Variants in ZNF841 observed in about 807,000 individuals in gnomAD.
The protein encoded by ZNF841 is zinc finger protein 841.
ZNF841 carries 11 observed loss-of-function variants against 13.0 expected under a neutral mutation model. That is an observed-to-expected ratio of 0.85 (90% CI 0.53 to 1.40). The LOEUF (loss-of-function observed/expected upper bound fraction) is 1.40. Ranked by LOEUF, ZNF841 falls within the 40% of genes most tolerant of loss-of-function variation. The probability of loss-of-function intolerance (pLI) is 0.00; values close to 1 mark genes in which losing one functional copy is unlikely to be tolerated. For synonymous variants in ZNF841, 369 were observed against 381.6 expected, an observed-to-expected ratio of 0.97 and a Z score of 0.38; for missense variants, 1,068 against 1,139.5, an observed-to-expected ratio of 0.94 and a Z score of 0.90.
chr19:52,065,237 C>G lies in ZNF841; in HGVS notation c.2645G>C (p.Cys882Ser), dbSNP rs761991606. Reference protein sequence around the residue: ...SSEKPYKCNECGKSYISRSGL... With the variant: ...SSEKPYKCNESGKSYISRSGL... ...TGAGCGACTAATGTAAGATTTGCCA[C>G]ACTCATTACATTTATAAGGTTTTTC... The change falls in exon 7 of 7, where the codon TGT becomes TCT. Residue 882 changes from cysteine to serine, a missense_variant. Transcript: ENST00000594440. The G allele has an allele frequency of 7.4e-6, 12 of 1,613,730 alleles. No individual in the cohort carries two copies. In the Admixed American group the frequency reaches 8.3e-5, roughly 11 times the overall value.
At position 52,076,161 on chromosome 19, in the gene ZNF841, G is replaced by A. The variant is rs1281891677; in HGVS notation, c.154C>T (p.Pro52Ser). 2 of 1,554,336 alleles carry A rather than the reference G, an allele frequency of 1.3e-6. No homozygotes were observed. The highest frequency in any genetic ancestry group is 2.4e-5 in the South Asian group (2 of 84,254). ...AACATGGAGATAATATTCAGGTCAGGAAGACAGAGTCCTGCTTATAAAAAA... is the reference window on the plus strand; with the variant it reads ...AACATGGAGATAATATTCAGGTCAGAAAGACAGAGTCCTGCTTATAAAAAA... ...RNLGFLGLCL[P>S]DLNIISMLEQ... is the part of the protein sequence containing the mutation. The change falls in exon 6 of 7, where the codon CCT becomes TCT. Residue 52 changes from proline (P) to serine (S), a missense_variant. Coordinates refer to ENST00000594440, the MANE Select transcript of ZNF841 (RefSeq NM_001136499.2).
intron 5 of ZNF841, 80 bp downstream of exon 5, chr19:52,076,875 TAGG>T: frequency 6.6e-7 from 1 of 1,523,242 alleles, no homozygotes; most frequent in Non-Finnish European, 9.0e-7. Flanking sequence ...TCAAATAATG[TAGG>T]GCCTCACAAG....
intron 2 of ZNF841, among the ~76,000 whole-genome samples, chr19:52,092,839 G>C (rs937516103): frequency 1.3e-5 from 2 of 152,228 alleles, no homozygotes; most frequent in African/African-American, 2.4e-5. Flanking sequence ...ACAAAAAAAT[G>C]GCTGGGTGTG....
intron 4 of ZNF841, among the ~76,000 whole-genome samples, chr19:52,081,605 C>T (rs571289265): frequency 3.9e-5 from 6 of 152,324 alleles, no homozygotes; most frequent in African/African-American, 1.4e-4. Flanking sequence ...GTAATTCCAA[C>T]ACTCTGGGAG....
Position 52,066,628 on chromosome 19 carries a change from T to C in ZNF841, c.1254A>G (p.Ala418=). 1 of 1,613,616 alleles carries C rather than the reference T, an allele frequency of 6.2e-7. No homozygotes were observed. The highest frequency in any genetic ancestry group is 8.5e-7 in the Non-Finnish European group (1 of 1,179,748). ...TCTTTCCTGCATGGATTATATGATG[T>C]GCAGTGAGGCTTGAGTTCCGTTTAA... ...KTFKRNSSLT[A]HHIIHAGKKP... The change falls in exon 7 of 7, where the codon GCA becomes GCG. Residue 418 remains alanine, a synonymous_variant. Coordinates refer to ENST00000594440, the MANE Select transcript of ZNF841 (RefSeq NM_001136499.2).
intron 4 of ZNF841, among the ~76,000 whole-genome samples, chr19:52,082,354 A>G (rs952496892): frequency 1.3e-5 from 2 of 152,262 alleles, no homozygotes; most frequent in Admixed American, 1.3e-4. Context: ...CAATCTTCAT[A>G]TGAACCTATT....
chr19:52,090,707 G>GAAAGAGAA (rs1555782712), intron 2 of ZNF841, among the ~76,000 whole-genome samples: 1 of 117,554 alleles, frequency 8.5e-6, no homozygotes, highest in Non-Finnish European at 1.8e-5. Context: ...AAGAAAGAAA[G>GAAAGAGAA]AGAAAGAAAG....
chr19:52,074,615 T>C (rs1002285553), intron 6 of ZNF841, among the ~76,000 whole-genome samples: 8 of 152,092 alleles, frequency 5.3e-5, no homozygotes, highest in African/African-American at 1.9e-4. Context: ...CTCCCAGATT[T>C]GAGAGATTCT....
Position 52,064,779 on chromosome 19 carries a change from A to G in ZNF841, c.*328T>C, listed in dbSNP as rs1041481765. The G allele has an allele frequency of 5.9e-6, 1 of 169,578 alleles. No homozygotes were observed. Among genetic ancestry groups the G allele is most frequent in the Admixed American group, 5.9e-5 (1 of 16,958 alleles). The allele number at this position is 169,578 out of a possible 1,614,324, so 10.5% of individuals were successfully genotyped here. ...CTCTCGAGTAGCTGGTACTACCAGT[A>G]CCCGCCACGAAGCCCAGCTAATTTT... On this transcript the variant is annotated 3_prime_UTR_variant, in exon 7 of 7. Transcript: ENST00000594440.
chr19:52,062,209 G>A (rs752012001), downstream of ZNF841, among the ~76,000 whole-genome samples: 3 of 152,134 alleles, frequency 2.0e-5, no homozygotes, highest in African/African-American at 4.8e-5. Context: ...GTGGTGACAT[G>A]ATAATAATGT....
At chr19:52,086,739 G>A (rs758639007) in intron 3 of ZNF841, among the ~76,000 whole-genome samples, 3 of 152,142 alleles carry the variant, frequency 2.0e-5, no homozygotes, top group Non-Finnish European at 2.9e-5. Flanking sequence ...AGTGTGAAAT[G>A]GTCAGGGAGG....
chr19:52,061,118 C>G (rs1405820651), downstream of ZNF841, among the ~76,000 whole-genome samples: 1 of 152,142 alleles, frequency 6.6e-6, no homozygotes, highest in African/African-American at 2.4e-5. Context: ...GGGGATGCCC[C>G]AGGTAAAATT....
Position 52,084,945 on chromosome 19 carries a change from C to T in ZNF841, c.-77-67G>A, listed in dbSNP as rs1240741747. 4 of 883,758 alleles carry T rather than the reference C, an allele frequency of 4.5e-6. No homozygotes were observed. In the South Asian group the frequency reaches 5.4e-5, roughly 12 times the overall value. The allele number at this position is 883,758 out of a possible 1,614,324, so 54.7% of individuals were successfully genotyped here. Reference sequence around the variant, plus strand: ...CATTCCTTTCTGTGCCACAACCATGCCCACAGGGAAGGCCTCAGCATGTGG... The same window carrying T: ...CATTCCTTTCTGTGCCACAACCATGTCCACAGGGAAGGCCTCAGCATGTGG... On this transcript the variant is annotated intron_variant, in intron 3 of 6. Transcript: ENST00000594440.
chr19:52,095,699 A>T lies in ZNF841; in HGVS notation c.-394T>A, dbSNP rs1008407420. The T allele has an allele frequency of 6.6e-6, 1 of 152,268 alleles. No individual in the cohort carries two copies. The highest frequency in any genetic ancestry group is 1.5e-5 in the Non-Finnish European group (1 of 68,098). The allele number at this position is 152,268 out of a possible 1,614,324, so 9.4% of individuals were successfully genotyped here. On this transcript the variant is annotated 5_prime_UTR_variant, in exon 1 of 7. Coordinates refer to ENST00000594440, the MANE Select transcript of ZNF841 (RefSeq NM_001136499.2). The stretch of plus-strand genomic sequence containing the variant: ...GTAGACGAAGAGAAGCAAACGTTTA[A>T]TCCAGGTAGACTGAAACACACTCAT...
At chr19:52,064,042 C>A (rs1186851779), downstream of ZNF841, among the ~76,000 whole-genome samples, 4 of 151,902 alleles carry the variant, frequency 2.6e-5, no homozygotes, top group Non-Finnish European at 5.9e-5. Flanking sequence ...TGAACACTTG[C>A]TTAAAACTTA....
chr19:52,063,181 T>C (rs1366427146), downstream of ZNF841, among the ~76,000 whole-genome samples: 1 of 151,256 alleles, frequency 6.6e-6, no homozygotes, highest in Non-Finnish European at 1.5e-5. Flanking sequence ...GGCTGAGAAA[T>C]GGTTTAAAAT....
intron 4 of ZNF841, 76 bp from the exon 5 acceptor site, chr19:52,077,160 CT>C (rs1316511394): frequency 2.7e-5 from 39 of 1,452,258 alleles, no homozygotes; most frequent in Non-Finnish European, 3.2e-5. Context: ...GAGGAGAGAA[CT>C]GTCACATCAA....
chr19:52,067,112 C>CTAT lies in ZNF841; in HGVS notation c.769_770insATA (p.Ile256_Arg257insAsn). ...CTCATTACCTATGTAAGGTTTTTCC[C>CTAT]TAATATGTGTTTTCTCGTCTTGTGT... On this transcript the variant is annotated inframe_insertion, in exon 7 of 7. Transcript: ENST00000594440. The CTAT allele has an allele frequency of 6.3e-7, 1 of 1,580,568 alleles. No individual in the cohort carries two copies. The highest frequency in any genetic ancestry group is 1.1e-5 in the South Asian group (1 of 87,636).
At chr19:52,069,866 GCTGA>G (rs1174758154) in intron 6 of ZNF841, among the ~76,000 whole-genome samples, 3 of 152,104 alleles carry the variant, frequency 2.0e-5, no homozygotes, top group South Asian at 2.1e-4. Context: ...AGCTAGTCAT[GCTGA>G]CTAAGGTAAA....
Sources: gnomAD v4.1 joint callset for allele counts (sites outside exome capture counted in the v4.1 genomes callset) on GRCh38, gnomAD v4.1.1 for gene constraint, MANE v1.5 for transcripts, NCBI Gene and HGNC (gene_info 2026-07-23, HGNC 2026-07-21) for gene names.